The following COL5A2 variants were observed in gnomAD, a reference collection of about 807,000 sequenced individuals.
The protein encoded by COL5A2 is collagen alpha-2(V) chain.
COL5A2 carries 23 observed loss-of-function variants against 208.2 expected under a neutral mutation model. The ratio of observed to expected loss-of-function variants is 0.11; its 90% confidence interval spans 0.08 to 0.16. The LOEUF is 0.16. Among genes scored for constraint, COL5A2 ranks in the 10% least tolerant of loss-of-function variants. The probability of loss-of-function intolerance (pLI) is 1.00; values close to 1 mark genes in which losing one functional copy is unlikely to be tolerated. For synonymous variants in COL5A2, 625 were observed against 628.5 expected, an observed-to-expected ratio of 0.99 and a Z score of 0.08; for missense variants, 1,590 against 1,956.4, an observed-to-expected ratio of 0.81 and a Z score of 3.53.
At chr2:189,359,490 T>C in the COL5A2 span, among the ~76,000 whole-genome samples, 3 of 152,210 alleles carry the variant, frequency 2.0e-5, no homozygotes, top group South Asian at 6.2e-4. Context: ...TTGTTGATTT[T>C]CGCATTTCTG....
intron 9 of COL5A2, 108 bp downstream of exon 9, chr2:189,086,618 T>C (rs1419816248): frequency 2.4e-6 from 2 of 822,334 alleles, no homozygotes; most frequent in Non-Finnish European, 4.0e-6. Context: ...CATTACAATA[T>C]AAAATTTTAA....
In COL5A2 at chr2:189,069,028, C is replaced by A. The variant is rs1686214516; in HGVS notation, c.1159-144G>T. Reference sequence around the variant, plus strand: ...GGATTACAAGAGATGCGTGCCCAACCAAGCTTAAGGAGCGCACTCACTTTC... The same window carrying A: ...GGATTACAAGAGATGCGTGCCCAACAAAGCTTAAGGAGCGCACTCACTTTC... On this transcript the variant is annotated intron_variant, in intron 18 of 53. Coordinates refer to ENST00000374866, the MANE Select transcript of COL5A2 (RefSeq NM_000393.5). 3 of 693,904 alleles carry A rather than the reference C, an allele frequency of 4.3e-6. No homozygotes were observed. The African/African-American group carries it at 5.3e-5, about 12-fold the overall frequency. The allele number at this position is 693,904 out of a possible 1,614,324, so 43.0% of individuals were successfully genotyped here.
chr2:189,064,214 A>T (rs1254968265), intron 25 of COL5A2, among the ~76,000 whole-genome samples, 181 bp from the exon 26 acceptor site: 5 of 152,134 alleles, frequency 3.3e-5, no homozygotes, highest in Non-Finnish European at 7.4e-5. Flanking sequence ...AAATTACTTT[A>T]TTTGCTATAT....
the COL5A2 span, among the ~76,000 whole-genome samples, chr2:189,407,469 T>C: frequency 0.83 from 126,876 of 152,118 alleles, 54,618 homozygotes; most frequent in Non-Finnish European, 0.95. Flanking sequence ...AAAGGGACAT[T>C]TACCTTCTTC....
At chr2:189,282,625 T>G in the COL5A2 span, among the ~76,000 whole-genome samples, 2 of 152,184 alleles carry the variant, frequency 1.3e-5, no homozygotes, top group Admixed American at 6.5e-5. Flanking sequence ...TATGACAACA[T>G]ACAAAATTAG....
the COL5A2 span, among the ~76,000 whole-genome samples, chr2:189,399,569 T>C: frequency 0.57 from 85,969 of 152,094 alleles, 26,109 homozygotes; most frequent in East Asian, 0.69. Context: ...TTTTGAAGGA[T>C]ATATTTTTTA....
chr2:189,362,571 G>T, the COL5A2 span, among the ~76,000 whole-genome samples: 1 of 151,996 alleles, frequency 6.6e-6, no homozygotes, highest in African/African-American at 2.4e-5. Context: ...CACCCTGACT[G>T]CCAGAATTTT....
intron 1 of COL5A2, among the ~76,000 whole-genome samples, chr2:189,176,140 A>G (rs545219996): frequency 7.2e-5 from 11 of 152,302 alleles, no homozygotes; most frequent in Non-Finnish European, 1.0e-4. Flanking sequence ...GCAAGAGACC[A>G]TGACATATAA....
chr2:189,426,024 T>C, the COL5A2 span, among the ~76,000 whole-genome samples: 1 of 152,096 alleles, frequency 6.6e-6, no homozygotes, highest in Non-Finnish European at 1.5e-5. Flanking sequence ...ATACAGAAAA[T>C]TGGTATTCAA....
intron 1 of COL5A2, among the ~76,000 whole-genome samples, chr2:189,123,692 C>T (rs1687554222): frequency 6.6e-6 from 1 of 152,098 alleles, no homozygotes; most frequent in Non-Finnish European, 1.5e-5. Flanking sequence ...CTATTTAAGG[C>T]ATGTTGGAGT....
At chr2:189,048,828 C>G (rs2153507813) in intron 44 of COL5A2, among the ~76,000 whole-genome samples, 1 of 152,206 alleles carries the variant, frequency 6.6e-6, no homozygotes, top group South Asian at 2.1e-4. Flanking sequence ...AGAGGATATT[C>G]CAGCCTTTAA....
chr2:189,174,307 C>T (rs2105823012), intron 1 of COL5A2, among the ~76,000 whole-genome samples: 1 of 152,328 alleles, frequency 6.6e-6, no homozygotes, highest in East Asian at 1.9e-4. Flanking sequence ...CACCTGGAAA[C>T]ACATGCAAAT....
At chr2:189,396,440 G>T in the COL5A2 span, among the ~76,000 whole-genome samples, 1 of 152,020 alleles carries the variant, frequency 6.6e-6, no homozygotes, top group Non-Finnish European at 1.5e-5. Context: ...TTGGGAGGCT[G>T]AGGCGGGTGA....
the COL5A2 span, among the ~76,000 whole-genome samples, chr2:189,275,828 T>C: frequency 7.2e-5 from 11 of 152,224 alleles, no homozygotes; most frequent in East Asian, 1.3e-3. Flanking sequence ...CTATTATCCA[T>C]AATTTGGAGG....
chr2:189,339,879 A>AT, the COL5A2 span, among the ~76,000 whole-genome samples: 3 of 152,226 alleles, frequency 2.0e-5, no homozygotes, highest in Non-Finnish European at 2.9e-5. Flanking sequence ...TAAGACAAAT[A>AT]TAAGTTTCTC....
At chr2:189,373,857 C>A in the COL5A2 span, among the ~76,000 whole-genome samples, 1 of 152,146 alleles carries the variant, frequency 6.6e-6, no homozygotes, top group Non-Finnish European at 1.5e-5. Flanking sequence ...CTCCTATAAG[C>A]AAAGACATCT....
At chr2:189,239,247 TTAA>T in the COL5A2 span, among the ~76,000 whole-genome samples, 1 of 152,024 alleles carries the variant, frequency 6.6e-6, no homozygotes, top group African/African-American at 2.4e-5. Context: ...TTTTTTAATG[TTAA>T]TAATTATAAT....
the COL5A2 span, among the ~76,000 whole-genome samples, chr2:189,346,672 G>A: frequency 6.6e-6 from 1 of 152,158 alleles, no homozygotes; most frequent in African/African-American, 2.4e-5. Flanking sequence ...CAACAGAGAG[G>A]ATTTAATGGA....
In COL5A2 at chr2:189,075,561, A is replaced by G. The variant is rs919886895; in HGVS notation, c.1060-124T>C. The G allele has an allele frequency of 2.9e-5, 21 of 719,998 alleles. No individual in the cohort carries two copies. In the African/African-American group the frequency reaches 3.0e-4, roughly 10 times the overall value. 44.6% of individuals were successfully genotyped at this position (719,998 alleles called of 1,614,324 possible). The stretch of plus-strand genomic sequence containing the variant: ...GAATAAATATTAAAGTTAACTGACA[A>G]TAACCCTCACTCAGTTAATAGCAAT... On this transcript the variant is annotated intron_variant, in intron 16 of 53. Coordinates refer to ENST00000374866, the MANE Select transcript of COL5A2 (RefSeq NM_000393.5).
Sources: gnomAD v4.1 joint callset for allele counts (sites outside exome capture counted in the v4.1 genomes callset) on GRCh38, gnomAD v4.1.1 for gene constraint, MANE v1.5 for transcripts, NCBI Gene and HGNC (gene_info 2026-07-23, HGNC 2026-07-21) for gene names.